The following NTRK3 variants were observed in gnomAD, a reference collection of about 807,000 sequenced individuals.
NTRK3 encodes the protein NT-3 growth factor receptor.
Under a neutral mutation model 91.7 loss-of-function variants are expected in NTRK3, and 24 were observed. The observed-to-expected ratio is 0.26, with a 90% CI of 0.19 to 0.37. NTRK3 has a LOEUF of 0.37. Ranked by LOEUF, NTRK3 falls within the 10% of genes least tolerant of loss-of-function variation. The pLI is 1.00. For missense variants in NTRK3, 880 were observed against 1,068.9 expected (o/e 0.82, Z 2.46); for synonymous variants, 483 against 404.0 (o/e 1.20, Z -2.34).
At chr15:87,958,960 C>T (rs1413523821) in intron 14 of NTRK3, among the ~76,000 whole-genome samples, 1 of 152,044 alleles carries the variant, frequency 6.6e-6, no homozygotes, top group Non-Finnish European at 1.5e-5. Context: ...TCTGCCTAGC[C>T]CTCTGAGCAC....
chr15:88,089,911 T>C (rs965707504), intron 13 of NTRK3, among the ~76,000 whole-genome samples: 6 of 152,214 alleles, frequency 3.9e-5, no homozygotes, highest in Non-Finnish European at 7.3e-5. Flanking sequence ...AGACCCTATG[T>C]GGCCTGGCCC....
In NTRK3 at chr15:88,241,177, G is replaced by A. The variant is rs955995557; in HGVS notation, c.248+14729C>T. Among the ~76,000 whole-genome samples, 2 of 152,216 alleles carry A rather than the reference G, an allele frequency of 1.3e-5. No individual in the cohort carries two copies. The highest frequency in any genetic ancestry group is 6.5e-5 in the Admixed American group (1 of 15,284). On this transcript the variant is annotated intron_variant, in intron 3 of 18. Transcript: ENST00000394480. The surrounding 1 kb of genome is among the most constrained non-coding windows in gnomAD (Gnocchi z 4.3). Reference sequence around the variant, plus strand: ...GTGGGGCTCCCGAGGGTGTCAGCTGGACTGAGACACTAGCTGTGCCGCCCT... The same window carrying A: ...GTGGGGCTCCCGAGGGTGTCAGCTGAACTGAGACACTAGCTGTGCCGCCCT...
chr15:87,879,324 G>C (rs1198123901), intron 18 of NTRK3, among the ~76,000 whole-genome samples: 1 of 152,130 alleles, frequency 6.6e-6, no homozygotes, highest in Non-Finnish European at 1.5e-5. Flanking sequence ...TGTTTCATAG[G>C]GATGTTTCAT....
chr15:87,994,056 A>G (rs2075493796), intron 14 of NTRK3, among the ~76,000 whole-genome samples: 1 of 152,200 alleles, frequency 6.6e-6, no homozygotes, highest in Non-Finnish European at 1.5e-5. Context: ...GGTGAGTGGC[A>G]AGAGAGAGGC....
intron 14 of NTRK3, among the ~76,000 whole-genome samples, chr15:87,964,295 CAGAT>C (rs928621921): frequency 2.4e-4 from 37 of 151,758 alleles, no homozygotes; most frequent in Admixed American, 5.3e-4. Context: ...ATTTTATAGA[CAGAT>C]AGATCAATCT....
At chr15:88,102,979 G>A (rs559657004) in intron 13 of NTRK3, among the ~76,000 whole-genome samples, 12 of 152,282 alleles carry the variant, frequency 7.9e-5, no homozygotes, top group South Asian at 6.2e-4. Context: ...CTAATAGAAA[G>A]TACCTACTGG....
chr15:87,993,645 A>T (rs2075456889), intron 14 of NTRK3, among the ~76,000 whole-genome samples: 1 of 152,218 alleles, frequency 6.6e-6, no homozygotes, highest in Non-Finnish European at 1.5e-5. Context: ...AGAGTGGAAG[A>T]TATATACTAC....
intron 3 of NTRK3, among the ~76,000 whole-genome samples, chr15:88,209,187 A>G (rs1048608498): frequency 6.6e-6 from 1 of 152,240 alleles, no homozygotes. Context: ...ATGCACCTTA[A>G]TGGATGCATA....
intron 5 of NTRK3, among the ~76,000 whole-genome samples, chr15:88,173,259 G>GT (rs750450450): frequency 3.3e-5 from 5 of 152,140 alleles, no homozygotes; most frequent in Non-Finnish European, 7.4e-5. Context: ...GCGCACATAG[G>GT]CACAAAATTT....
intron 13 of NTRK3, among the ~76,000 whole-genome samples, chr15:88,069,056 C>A (rs1297679678): frequency 6.6e-6 from 1 of 152,100 alleles, no homozygotes; most frequent in African/African-American, 2.4e-5. Flanking sequence ...AGGTCACCGG[C>A]AAGGAAGGCT....
At chr15:88,060,460 G>A (rs543156784) in intron 13 of NTRK3, among the ~76,000 whole-genome samples, 38 of 151,984 alleles carry the variant, frequency 2.5e-4, no homozygotes, top group East Asian at 9.7e-4. Context: ...GGAAGCACAC[G>A]TGCAAAGTCC....
At chr15:88,090,592 G>A (rs986771280) in intron 13 of NTRK3, among the ~76,000 whole-genome samples, 3 of 152,212 alleles carry the variant, frequency 2.0e-5, no homozygotes, top group East Asian at 1.9e-4. Flanking sequence ...AGAAATGACC[G>A]TGACAGCTGC....
In NTRK3 at chr15:88,014,902, G is replaced by A. The variant is rs554250992; in HGVS notation, c.1585+17955C>T. Among the ~76,000 whole-genome samples the A allele has an allele frequency of 2.0e-5, 3 of 152,342 alleles. No individual in the cohort carries two copies. In the South Asian group the frequency reaches 6.2e-4, roughly 32 times the overall value. On this transcript the variant is annotated intron_variant, in intron 14 of 18. Transcript: ENST00000394480. ...AACAAATCAAGAAATAAATTCATAT[G>A]TGAAAGGATAGAAATGTTAGTCTCC...
intron 13 of NTRK3, among the ~76,000 whole-genome samples, chr15:88,050,393 C>G (rs1366976856): frequency 2.6e-5 from 4 of 152,060 alleles, no homozygotes; most frequent in African/African-American, 9.7e-5. Flanking sequence ...CCTGGGCTCA[C>G]AGCATATTTA....
chr15:88,104,957 G>C (rs749442426), intron 13 of NTRK3, among the ~76,000 whole-genome samples: 3 of 152,198 alleles, frequency 2.0e-5, no homozygotes, highest in Non-Finnish European at 2.9e-5. Context: ...ATGAGACTCT[G>C]CTGGCTGTGG....
chr15:88,026,392 T>C (rs2078039498), intron 14 of NTRK3, among the ~76,000 whole-genome samples: 1 of 152,220 alleles, frequency 6.6e-6, no homozygotes, highest in South Asian at 2.1e-4. Flanking sequence ...CTGAAAAGGC[T>C]ACACACTATG....
rs766532133 is a variant in NTRK3 at position 88,137,356 on chromosome 15, G to A, written c.622+48C>T. ...ACGTCCAGCACCATCTCTGGTGTCT[G>A]AGGGATGCCTCCCTGGAGCCAGCTG... On this transcript the variant is annotated intron_variant, in intron 7 of 18. Transcript: ENST00000394480. 7 of 1,605,020 alleles carry A rather than the reference G, an allele frequency of 4.4e-6. No individual in the cohort carries two copies. In the African/African-American group the frequency reaches 8.0e-5, roughly 18 times the overall value.
chr15:87,963,248 G>A (rs745920687), intron 14 of NTRK3, among the ~76,000 whole-genome samples: 5 of 152,156 alleles, frequency 3.3e-5, no homozygotes, highest in Non-Finnish European at 7.3e-5. Context: ...CATCTCCCTT[G>A]TTCAGCTTAA....
At chr15:87,934,550 A>G (rs552112040) in intron 15 of NTRK3, among the ~76,000 whole-genome samples, 1 of 152,260 alleles carries the variant, frequency 6.6e-6, no homozygotes, top group African/African-American at 2.4e-5. Context: ...CCTTGGTTCT[A>G]GAACTGCAGT....
Sources: allele counts gnomAD v4.1 joint callset (sites outside exome capture counted in the v4.1 genomes callset), GRCh38; gene constraint gnomAD v4.1.1; non-coding constraint Gnocchi (gnomAD v3.1); transcripts MANE v1.5; gene names NCBI Gene and HGNC (gene_info 2026-07-23, HGNC 2026-07-21).